Variants in PCDHGB6 observed in about 807,000 individuals in gnomAD.
PCDHGB6 encodes protocadherin gamma-B6.
PCDHGB6 carries 51 observed loss-of-function variants against 59.1 expected under a neutral mutation model. The ratio of observed to expected loss-of-function variants is 0.86; its 90% CI spans 0.69 to 1.09. PCDHGB6 has a LOEUF of 1.09. Among genes scored for constraint, PCDHGB6 ranks in the 50% least tolerant of loss-of-function variants. PCDHGB6 has a pLI of 0.00. For synonymous variants in PCDHGB6, 466 were observed against 495.1 expected, an observed-to-expected ratio of 0.94 and a Z score of 0.78; for missense variants, 1,148 against 1,205.1, an observed-to-expected ratio of 0.95 and a Z score of 0.70.
rs1394234849 is a variant in PCDHGB6 at position 141,415,739 on chromosome 5, GGTTT to G, written c.2418+5120_2418+5123del. The G allele has an allele frequency of 1.9e-3, 837 of 434,806 alleles. 9 individuals are homozygous for G. In the African/African-American group the frequency reaches 0.026, roughly 14 times the overall value. The allele number at this position is 434,806 out of a possible 1,614,324, so 26.9% of individuals were successfully genotyped here. A position where few individuals can be genotyped will look rare whatever the true frequency, so the allele number is the denominator to read the frequency against. On this transcript the variant is annotated intron_variant, in intron 1 of 3. Coordinates refer to ENST00000520790, the MANE Select transcript of PCDHGB6 (RefSeq NM_018926.3). ...ATGAGTAGAATTTGATGTTTATTAAGGTTTTTTTTTTTTTTTTTTTTTTTTTTTT... is the reference window on the plus strand; with the variant it reads ...ATGAGTAGAATTTGATGTTTATTAAGTTTTTTTTTTTTTTTTTTTTTTTTT...
At chr5:141,478,845 A>G in intron 1 of PCDHGB6, 2 of 1,389,784 alleles carry the variant, frequency 1.4e-6, no homozygotes, top group Non-Finnish European at 9.5e-7. Flanking sequence ...TGGTTAAGCT[A>G]AAACACAAGA....
chr5:141,429,651 C>G (rs62379161), intron 1 of PCDHGB6, among the ~76,000 whole-genome samples: 5,146 of 152,188 alleles, frequency 0.034, 101 homozygotes, highest in Middle Eastern at 0.088. Context: ...TATTTCTTCC[C>G]AATTTAAAAT....
chr5:141,410,849 C>CTTTT lies in PCDHGB6; in HGVS notation c.2418+248_2418+251dup, dbSNP rs759346998. The CTTTT allele has an allele frequency of 9.0e-3, 1,245 of 137,660 alleles. 106 individuals are homozygous for CTTTT. The highest frequency in any genetic ancestry group is 0.023 in the African/African-American group (378 of 16,590). 8.5% of individuals were successfully genotyped at this position (137,660 alleles called of 1,614,324 possible). On this transcript the variant is annotated intron_variant, in intron 1 of 3. Coordinates refer to ENST00000520790, the MANE Select transcript of PCDHGB6 (RefSeq NM_018926.3). The stretch of plus-strand genomic sequence containing the variant: ...CAGACTGAAGATATTTTGTCTTTGT[C>CTTTT]TTTTTTTTTTTTTTTTTTTTTTGAG...
intron 1 of PCDHGB6, chr5:141,442,419 T>TG (rs1214499832): frequency 1.3e-5 from 2 of 152,192 alleles, no homozygotes; most frequent in African/African-American, 4.8e-5. Context: ...AGTGAACTTC[T>TG]TTTTTGAATC....
Position 141,490,765 on chromosome 5 carries a change from G to A in PCDHGB6, c.2419-4042G>A. The A allele has an allele frequency of 6.2e-7, 1 of 1,614,076 alleles. No individual in the cohort carries two copies. The highest frequency in any genetic ancestry group is 8.5e-7 in the Non-Finnish European group (1 of 1,179,914). ...AGCCCCAGCCTCCTCCTTTGTGTAT[G>A]TCAACCCAGAGGATGGACGGATCTT... On this transcript the variant is annotated intron_variant, in intron 1 of 3. Coordinates refer to ENST00000520790, the MANE Select transcript of PCDHGB6 (RefSeq NM_018926.3). This position sits in a 1 kb window ranked among gnomAD's most constrained non-coding sequence, Gnocchi z 5.4.
intron 2 of PCDHGB6, among the ~76,000 whole-genome samples, chr5:141,500,881 T>G (rs940387787): frequency 1.0e-5 from 1 of 99,136 alleles, no homozygotes; most frequent in Non-Finnish European, 1.9e-5. Context: ...TTTACAATTT[T>G]TTTTTTTTGA....
chr5:141,452,378 T>C (rs1227738942), intron 1 of PCDHGB6, among the ~76,000 whole-genome samples: 1 of 152,226 alleles, frequency 6.6e-6, no homozygotes, highest in African/African-American at 2.4e-5. Context: ...TAGTAGGGAA[T>C]AGTATTTAGA....
chr5:141,460,608 T>A (rs2098993153), intron 1 of PCDHGB6, among the ~76,000 whole-genome samples: 1 of 152,186 alleles, frequency 6.6e-6, no homozygotes, highest in Non-Finnish European at 1.5e-5. Context: ...CTGTGTTAGA[T>A]GGATAGATAG....
intron 1 of PCDHGB6, chr5:141,423,477 C>T (rs376147466): frequency 1.5e-5 from 24 of 1,613,872 alleles, no homozygotes; most frequent in Non-Finnish European, 1.9e-5. Flanking sequence ...TACAGGCTTT[C>T]CTGCAAACCT....
At chr5:141,427,615 A>G (rs1428096450) in intron 1 of PCDHGB6, 2 of 693,732 alleles carry the variant, frequency 2.9e-6, no homozygotes, top group Non-Finnish European at 5.3e-6. Context: ...GGTGAAGTCA[A>G]CGACAATGCT....
Position 141,491,048 on chromosome 5 carries a change from C to T in PCDHGB6, c.2419-3759C>T, listed in dbSNP as rs755163825. The T allele has an allele frequency of 7.4e-6, 12 of 1,613,948 alleles. No individual in the cohort carries two copies. Among genetic ancestry groups the T allele is most frequent in the South Asian group, 4.4e-5 (4 of 91,090 alleles). ...GTGGATGCTGATGCAGGCCACAATG[C>T]GTGGCTCTCCTACTCACTGTTGCCA... On this transcript the variant is annotated intron_variant, in intron 1 of 3. Coordinates refer to ENST00000520790, the MANE Select transcript of PCDHGB6 (RefSeq NM_018926.3). The surrounding 1 kb of genome is among the most constrained non-coding windows in gnomAD (Gnocchi z 6.9).
At chr5:141,458,345 G>A (rs1161535708) in intron 1 of PCDHGB6, among the ~76,000 whole-genome samples, 2 of 152,112 alleles carry the variant, frequency 1.3e-5, no homozygotes, top group Non-Finnish European at 2.9e-5. Context: ...GGAGTGGAGA[G>A]TTTAATAAGC....
chr5:141,413,337 G>A, intron 1 of PCDHGB6: 1 of 1,613,978 alleles, frequency 6.2e-7, no homozygotes, highest in Non-Finnish European at 8.5e-7. Flanking sequence ...ACATCTCCAA[G>A]GACTTGGGTC....
Position 141,409,571 on chromosome 5 carries a change from T to A in PCDHGB6, c.1369T>A (p.Tyr457Asn). The A allele has an allele frequency of 1.2e-6, 2 of 1,613,932 alleles. No individual in the cohort carries two copies. The highest frequency in any genetic ancestry group is 1.7e-6 in the Non-Finnish European group (2 of 1,179,896). The change falls in exon 1 of 4, where the codon TAC (tyrosine) becomes AAC (asparagine). Residue 457 changes from tyrosine to asparagine, a missense_variant. Coordinates refer to ENST00000520790, the MANE Select transcript of PCDHGB6 (RefSeq NM_018926.3). ...CGCCCCAGTTTTCGACCAGACGTCC[T>A]ACGTGGTCCACGTGGCCGAGAACAA... Reference protein sequence around the residue: ...DNAPVFDQTSYVVHVAENNPP... With the variant: ...DNAPVFDQTSNVVHVAENNPP...
At position 141,489,599 on chromosome 5, in the gene PCDHGB6, A is replaced by T; in HGVS notation, c.2419-5208A>T. The T allele has an allele frequency of 6.2e-7, 1 of 1,614,020 alleles. No homozygotes were observed. The highest frequency in any genetic ancestry group is 8.5e-7 in the Non-Finnish European group (1 of 1,179,970). On this transcript the variant is annotated intron_variant, in intron 1 of 3. Coordinates refer to ENST00000520790, the MANE Select transcript of PCDHGB6 (RefSeq NM_018926.3). This position sits in a 1 kb window ranked among gnomAD's most constrained non-coding sequence, Gnocchi z 4.5. ...CACCCCCTGGAGCTAATCCGTGTAGAGGTAGAGATCCTGGATCTCAATGAC... is the reference window on the plus strand; with the variant it reads ...CACCCCCTGGAGCTAATCCGTGTAGTGGTAGAGATCCTGGATCTCAATGAC...
intron 1 of PCDHGB6, chr5:141,421,627 T>C: frequency 6.2e-7 from 1 of 1,613,846 alleles, no homozygotes; most frequent in Non-Finnish European, 8.5e-7. Context: ...CGCCCCCAGC[T>C]TCCAGGAGGA....
chr5:141,420,313 C>A, intron 1 of PCDHGB6: 1 of 1,434,874 alleles, frequency 7.0e-7, no homozygotes, highest in Non-Finnish European at 9.4e-7. Flanking sequence ...TTTTATATTA[C>A]AATATGCCAA....
At position 141,477,118 on chromosome 5, in the gene PCDHGB6, A is replaced by T. The variant is rs2099405787; in HGVS notation, c.2419-17689A>T. The T allele has an allele frequency of 6.2e-7, 1 of 1,614,228 alleles. No homozygotes were observed. Among genetic ancestry groups the T allele is most frequent in the Non-Finnish European group, 8.5e-7 (1 of 1,180,034 alleles). On this transcript the variant is annotated intron_variant, in intron 1 of 3. Coordinates refer to ENST00000520790, the MANE Select transcript of PCDHGB6 (RefSeq NM_018926.3). This position sits in a 1 kb window ranked among gnomAD's most constrained non-coding sequence, Gnocchi z 4.9. ...ACAAGGGCGCCAATCCCGAAGGAGC[A>T]CATTGCAAAGTGTTGGTGGAGGTTG...
chr5:141,482,086 T>C (rs1435200188), intron 1 of PCDHGB6, among the ~76,000 whole-genome samples: 6 of 93,070 alleles, frequency 6.4e-5, no homozygotes, highest in African/African-American at 3.7e-4. Flanking sequence ...ACTCACTCCA[T>C]CTCAAAAAAA....
Sources: gnomAD v4.1 joint callset for allele counts (sites outside exome capture counted in the v4.1 genomes callset) on GRCh38, gnomAD v4.1.1 for gene constraint, Gnocchi (gnomAD v3.1) non-coding constraint, MANE v1.5 for transcripts, NCBI Gene and HGNC (gene_info 2026-07-23, HGNC 2026-07-21) for gene names.